Variants in CCNI observed in about 807,000 individuals in gnomAD.
The protein encoded by CCNI is cyclin I.
Under a neutral mutation model 34.1 loss-of-function variants are expected in CCNI, and 14 were observed. The observed-to-expected ratio is 0.41, with a 90% CI of 0.27 to 0.64. The LOEUF is 0.64. Among genes scored for constraint, CCNI ranks in the 30% least tolerant of loss-of-function variants. The pLI is 0.31. For synonymous variants in CCNI, 154 were observed against 158.4 expected (o/e 0.97, Z 0.21); for missense variants, 385 against 440.5 (o/e 0.87, Z 1.13).
In CCNI at chr4:77,067,992, C is replaced by T. The variant is rs372246941; in HGVS notation, c.-43-1587G>A. On this transcript the variant is annotated intron_variant, in intron 1 of 6. Coordinates refer to ENST00000237654, the MANE Select transcript of CCNI (RefSeq NM_006835.3). ...GTAGTTCCAGACCAGCCTGACAAAACATGGTGAGACCCCCGTCTCTACTAA... is the reference window on the plus strand; with the variant it reads ...GTAGTTCCAGACCAGCCTGACAAAATATGGTGAGACCCCCGTCTCTACTAA... Among the ~76,000 whole-genome samples the T allele has an allele frequency of 6.1e-4, 92 of 151,846 alleles. 2 individuals are homozygous for T. Among genetic ancestry groups the T allele is most frequent in the African/African-American group, 2.1e-3 (88 of 41,396 alleles).
chr4:77,062,295 C>A (rs1465521009), intron 2 of CCNI, among the ~76,000 whole-genome samples: 1 of 152,198 alleles, frequency 6.6e-6, no homozygotes. Flanking sequence ...AATTTCTGGG[C>A]ATGGCTCACA....
intron 1 of CCNI, among the ~76,000 whole-genome samples, chr4:77,070,391 T>G (rs1475115652): frequency 6.6e-6 from 1 of 151,734 alleles, no homozygotes; most frequent in Non-Finnish European, 1.5e-5. Flanking sequence ...ACAAAAACTC[T>G]TAGGAGACTT....
In CCNI at chr4:77,067,650, C is replaced by G. The variant is rs189000195; in HGVS notation, c.-43-1245G>C. On this transcript the variant is annotated intron_variant, in intron 1 of 6. Transcript: ENST00000237654. The stretch of plus-strand genomic sequence containing the variant: ...GGACTACAGATGCACATCACCAAGC[C>G]CAGGTAATTTTGTGGGGTTTTTTTT... 9.4e-5 allele frequency among the ~76,000 whole-genome samples: 14 copies of G among 149,272 alleles called. No homozygotes were observed. The East Asian group carries it at 2.8e-3, about 30-fold the overall frequency.
chr4:77,055,225 G>C lies in CCNI; in HGVS notation c.615C>G (p.Ala205=). Residue 205 remains alanine (A), a synonymous_variant, in exon 6 of 7, where the codon GCC becomes GCG. Transcript: ENST00000237654. ...LQFRGSMLAL[A]MVSLEMEKLI... is the part of the protein sequence containing the mutation. ...GTTTCTCCATTTCCAGACTAACCAT[G>C]GCCAGAGCAAGCATGGATCCTCTGA... 1 of 1,614,094 alleles carries C rather than the reference G, an allele frequency of 6.2e-7. No homozygotes were observed. Among genetic ancestry groups the C allele is most frequent in the South Asian group, 1.1e-5 (1 of 91,082 alleles).
chr4:77,058,099 A>G (rs1443100600), intron 3 of CCNI, among the ~76,000 whole-genome samples: 3 of 152,240 alleles, frequency 2.0e-5, no homozygotes, highest in African/African-American at 7.2e-5. Context: ...TCATGCCTGT[A>G]ATCCCAGCAC....
In CCNI at chr4:77,075,537, G is replaced by C. The variant is rs941252704; in HGVS notation, c.-109C>G. ...CTGTAGGCCTCACAGTGGTGACGCG[G>C]GGTCATCCGGGGGCCCGTTACCACC... On this transcript the variant is annotated 5_prime_UTR_variant, in exon 1 of 7. Transcript: ENST00000237654. The C allele has an allele frequency of 1.9e-5, 19 of 988,554 alleles. No individual in the cohort carries two copies. The African/African-American group carries it at 3.0e-4, about 15-fold the overall frequency. 61.2% of individuals were successfully genotyped at this position (988,554 alleles called of 1,614,324 possible). A position where few individuals can be genotyped will look rare whatever the true frequency, so the allele number is the denominator to read the frequency against.
At chr4:77,065,222 C>A (rs1329210405) in intron 2 of CCNI, 1 of 152,150 alleles carries the variant, frequency 6.6e-6, no homozygotes, top group Non-Finnish European at 1.5e-5. Flanking sequence ...ACTTTCAAAA[C>A]CAATAAGCAA....
At position 77,048,575 on chromosome 4, in the gene CCNI, A is replaced by G. The variant is rs1479277883; in HGVS notation, c.778T>C (p.Tyr260His). 6.2e-7 allele frequency: 1 copy of G among 1,611,778 alleles called. No homozygotes were observed. Among genetic ancestry groups the G allele is most frequent in the Non-Finnish European group, 8.5e-7 (1 of 1,178,390 alleles). ...GTGTGCTTGAGGGGACGGTAGACAT[A>G]AACGGAATTCAGAGGCAGGGAAGAC... ...LQSSLPLNSV[Y>H]VYRPLKHTLV... Residue 260 changes from tyrosine to histidine, a missense_variant, in exon 7 of 7, where the codon TAT becomes CAT. Physicochemically the swap from Tyr to His is moderately conservative, Grantham distance 83 (BLOSUM62 2). Around this residue, in one of 2 missense-constraint regions of CCNI, gnomAD observed 250 missense variants for 248.7 expected, o/e 1.01. Coordinates refer to ENST00000237654, the MANE Select transcript of CCNI (RefSeq NM_006835.3).
At chr4:77,062,724 G>C (rs564038741) in intron 2 of CCNI, among the ~76,000 whole-genome samples, 1 of 152,242 alleles carries the variant, frequency 6.6e-6, no homozygotes, top group East Asian at 1.9e-4. Flanking sequence ...TCAACAATTT[G>C]TGGCAGGGTT....
At chr4:77,065,368 AT>A (rs749335188) in intron 2 of CCNI, among the ~76,000 whole-genome samples, 21 of 152,228 alleles carry the variant, frequency 1.4e-4, no homozygotes, top group Admixed American at 2.6e-4. Context: ...CATATAAGAC[AT>A]CTTATACAAT....
At chr4:77,050,834 A>T (rs1727772322) in intron 6 of CCNI, among the ~76,000 whole-genome samples, 1 of 137,628 alleles carries the variant, frequency 7.3e-6, no homozygotes, top group Admixed American at 7.5e-5. Context: ...ATATTTTAGG[A>T]AGCCTAAAAA....
chr4:77,053,567 T>TAA (rs1214580267), intron 6 of CCNI, among the ~76,000 whole-genome samples: 2 of 152,230 alleles, frequency 1.3e-5, no homozygotes, highest in Admixed American at 6.5e-5. Context: ...ATACACATGC[T>TAA]ATTTACAACA....
chr4:77,066,220 T>C (rs1729025445), intron 2 of CCNI, 29 bp downstream of exon 2: 1 of 1,586,742 alleles, frequency 6.3e-7, no homozygotes, highest in Non-Finnish European at 8.7e-7. Flanking sequence ...TCTAATAAAA[T>C]TCATCTGTCT....
At chr4:77,056,395 T>A in intron 3 of CCNI, 72 bp from the exon 4 acceptor site, 1 of 1,135,596 alleles carries the variant, frequency 8.8e-7, no homozygotes, top group Non-Finnish European at 1.3e-6. Flanking sequence ...GTAACTGTTT[T>A]AAAAACCTAG....
At chr4:77,063,263 C>CTT (rs1337942429) in intron 2 of CCNI, among the ~76,000 whole-genome samples, 1 of 142,822 alleles carries the variant, frequency 7.0e-6, no homozygotes, top group African/African-American at 2.6e-5. Flanking sequence ...TAAGAGAAAG[C>CTT]TTAAAAATAT....
At chr4:77,063,397 TAGAACTAGAATAGAGAA>T (rs1436937985) in intron 2 of CCNI, among the ~76,000 whole-genome samples, 1 of 138,868 alleles carries the variant, frequency 7.2e-6, no homozygotes, top group East Asian at 2.1e-4. Flanking sequence ...AAATAAGAGT[TAGAACTAGAATAGAGAA>T]GGTGCTGGGT....
At chr4:77,050,669 A>G (rs1727763297) in intron 6 of CCNI, among the ~76,000 whole-genome samples, 1 of 152,250 alleles carries the variant, frequency 6.6e-6, no homozygotes, top group East Asian at 1.9e-4. Context: ...CCCTCCCTTA[A>G]AAGAAAAAAA....
intron 1 of CCNI, among the ~76,000 whole-genome samples, chr4:77,067,058 C>G (rs902175362): frequency 6.6e-6 from 1 of 152,002 alleles, no homozygotes; most frequent in Non-Finnish European, 1.5e-5. Context: ...ATGGTGAAAC[C>G]CCATCACTAC....
rs762366229 is a variant in CCNI at position 77,048,500 on chromosome 4, G to A, written c.853C>T (p.Pro285Ser). ...TTGTCCTTGGAGAAGTCTGGGCCTGGGACAGAGGAGGGATGTAATCTGAAC... is the reference window on the plus strand; with the variant it reads ...TTGTCCTTGGAGAAGTCTGGGCCTGAGACAGAGGAGGGATGTAATCTGAAC... ...GVFRLHPSSV[P>S]GPDFSKDNSK... is the part of the protein sequence containing the mutation. Residue 285 changes from proline to serine, a missense_variant, in exon 7 of 7, where the codon CCA becomes TCA. Physicochemically the swap from Pro to Ser is moderately conservative, Grantham distance 74. Coordinates refer to ENST00000237654, the MANE Select transcript of CCNI (RefSeq NM_006835.3). 57 of 1,613,948 alleles carry A rather than the reference G, an allele frequency of 3.5e-5. 1 individual carries two copies. In the South Asian group the frequency reaches 5.9e-4, roughly 17 times the overall value.
Sources: allele counts gnomAD v4.1 joint callset (sites outside exome capture counted in the v4.1 genomes callset), GRCh38; gene constraint gnomAD v4.1.1; regional missense constraint gnomAD v4.1.1; transcripts MANE v1.5; gene names NCBI Gene and HGNC (gene_info 2026-07-23, HGNC 2026-07-21).